EEA1: variants seen among roughly 807,000 people sequenced by gnomAD.
EEA1 encodes early endosome antigen 1, also known as early endosome antigen 1, 162kD.
EEA1 carries 111 observed loss-of-function variants against 209.2 expected under a neutral mutation model. That is an observed-to-expected ratio of 0.53 (90% CI 0.45 to 0.62). EEA1 has a LOEUF of 0.62. EEA1 is among the 20% of genes least tolerant of loss of function. The pLI is 0.00. For synonymous variants in EEA1, 536 were observed against 540.6 expected (o/e 0.99, Z 0.12); for missense variants, 1,343 against 1,530.8 (o/e 0.88, Z 2.05).
intron 15 of EEA1, among the ~76,000 whole-genome samples, chr12:92,814,540 G>A (rs1875683840): frequency 7.5e-6 from 1 of 133,840 alleles, no homozygotes; most frequent in Admixed American, 8.6e-5. Context: ...TATAAAGAAA[G>A]TTTGGGGGAA....
intron 21 of EEA1, among the ~76,000 whole-genome samples, chr12:92,794,378 G>A (rs1874554585): frequency 6.6e-6 from 1 of 152,152 alleles, no homozygotes; most frequent in Admixed American, 6.6e-5. Context: ...TCCCATTACT[G>A]GGTAAATATC....
intron 25 of EEA1, among the ~76,000 whole-genome samples, chr12:92,778,759 C>A (rs1873770459): frequency 6.6e-6 from 1 of 152,008 alleles, no homozygotes; most frequent in Non-Finnish European, 1.5e-5. Flanking sequence ...AGTTTCCGCT[C>A]CCCCTTATCA....
chr12:92,854,176 A>AT (rs1219645957), intron 5 of EEA1, among the ~76,000 whole-genome samples: 1 of 152,140 alleles, frequency 6.6e-6, no homozygotes, highest in Admixed American at 6.5e-5. Flanking sequence ...TCTAACATAG[A>AT]TTTTTTTGTA....
At chr12:92,894,979 G>T (rs1879807439) in intron 1 of EEA1, among the ~76,000 whole-genome samples, 1 of 152,104 alleles carries the variant, frequency 6.6e-6, no homozygotes, top group Non-Finnish European at 1.5e-5. Flanking sequence ...AGGGGTTAAT[G>T]CAGCTGATGA....
chr12:92,928,179 TTTAAG>T (rs1049965871), intron 1 of EEA1, among the ~76,000 whole-genome samples: 16 of 150,860 alleles, frequency 1.1e-4, no homozygotes, highest in Non-Finnish European at 1.6e-4. Context: ...AAAAAACAAA[TTTAAG>T]TTGACAGGTA....
chr12:92,818,283 A>C (rs566044986), intron 14 of EEA1, among the ~76,000 whole-genome samples: 1 of 152,250 alleles, frequency 6.6e-6, no homozygotes, highest in African/African-American at 2.4e-5. Context: ...ACAGTCTGGA[A>C]AATGTCTCTG....
At chr12:92,900,478 A>G (rs1198158002) in intron 1 of EEA1, among the ~76,000 whole-genome samples, 2 of 151,942 alleles carry the variant, frequency 1.3e-5, no homozygotes, top group Non-Finnish European at 2.9e-5. Flanking sequence ...TCTTGTTTTA[A>G]TATCAGCTAC....
At chr12:92,819,061 T>C (rs1272268321) in intron 14 of EEA1, among the ~76,000 whole-genome samples, 2 of 152,202 alleles carry the variant, frequency 1.3e-5, no homozygotes, top group African/African-American at 2.4e-5. Context: ...GATTTATTCA[T>C]AGTCACACTA....
intron 2 of EEA1, among the ~76,000 whole-genome samples, chr12:92,882,216 T>C (rs954314757): frequency 6.6e-6 from 1 of 152,032 alleles, no homozygotes; most frequent in Non-Finnish European, 1.5e-5. Flanking sequence ...CAAGTGATTC[T>C]CCTGCCTCAG....
intron 28 of EEA1, among the ~76,000 whole-genome samples, chr12:92,776,489 G>A (rs1003196248): frequency 3.3e-5 from 5 of 151,764 alleles, no homozygotes; most frequent in Non-Finnish European, 7.4e-5. Flanking sequence ...ATAAACTTAA[G>A]TCATTAACAC....
At chr12:92,852,333 G>A (rs748784455) in intron 7 of EEA1, 37 bp from the exon 8 acceptor site, 2 of 1,442,120 alleles carry the variant, frequency 1.4e-6, no homozygotes, top group Admixed American at 4.9e-5. Flanking sequence ...TAGTTTAAGG[G>A]GAGGACAGTT....
rs773906406 is a variant in EEA1 at position 92,780,348 on chromosome 12, A to G, written c.3400T>C (p.Cys1134Arg). ...SKLAEIEEIK[C>R]RQEKEITKLN... ...TTAGTGATTTCTTTTTCTTGTCTAC[A>G]TTTAATTTCTTCTATCTCTGCCAAT... The change falls in exon 24 of 29, where the codon TGT becomes CGT. Residue 1134 changes from cysteine to arginine, a missense_variant. Coordinates refer to ENST00000322349, the MANE Select transcript of EEA1 (RefSeq NM_003566.4). 7 of 1,601,448 alleles carry G rather than the reference A, an allele frequency of 4.4e-6. No individual in the cohort carries two copies. The highest frequency in any genetic ancestry group is 2.3e-5 in the East Asian group (1 of 44,226).
chr12:92,859,311 A>T, intron 3 of EEA1: 1 of 1,390,830 alleles, frequency 7.2e-7, no homozygotes. Context: ...TTGTTGGCAA[A>T]GGCAACAGAG....
chr12:92,818,800 A>G (rs986991387), intron 14 of EEA1, among the ~76,000 whole-genome samples: 5 of 152,194 alleles, frequency 3.3e-5, no homozygotes, highest in African/African-American at 1.2e-4. Flanking sequence ...ACTACATTTT[A>G]ATGCTGGAAC....
In EEA1 at chr12:92,898,605, A is replaced by C. The variant is rs367668367; in HGVS notation, c.25-6884T>G. Among the ~76,000 whole-genome samples, 129 of 151,270 alleles carry C rather than the reference A, an allele frequency of 8.5e-4. 1 individual carries two copies. Among genetic ancestry groups the C allele is most frequent in the East Asian group, 6.4e-3 (33 of 5,156 alleles). ...CTTGGACCTGGGAGACAGAAGTTGC[A>C]GTGAGCCGAGATCGTGCCACCGCAC... On this transcript the variant is annotated intron_variant, in intron 1 of 28. Transcript: ENST00000322349.
intron 15 of EEA1, among the ~76,000 whole-genome samples, chr12:92,815,514 G>A (rs538483010): frequency 5.3e-5 from 8 of 152,108 alleles, no homozygotes; most frequent in African/African-American, 1.4e-4. Context: ...ATTATATTCC[G>A]TCTTTCCAGT....
chr12:92,809,201 TATC>T, intron 17 of EEA1, 45 bp from the exon 18 acceptor site: 1 of 1,418,420 alleles, frequency 7.1e-7, no homozygotes, highest in East Asian at 2.5e-5. Context: ...TATTAGTAAT[TATC>T]AATCTATTAT....
chr12:92,896,036 T>G (rs932045162), intron 1 of EEA1, among the ~76,000 whole-genome samples: 6 of 151,734 alleles, frequency 4.0e-5, no homozygotes, highest in Non-Finnish European at 2.9e-5. Flanking sequence ...TGCAGTGGTG[T>G]GATCTCAGCT....
At chr12:92,895,975 C>CTT (rs910254277) in intron 1 of EEA1, among the ~76,000 whole-genome samples, 6 of 143,282 alleles carry the variant, frequency 4.2e-5, no homozygotes, top group Admixed American at 7.0e-5. Flanking sequence ...TGATAATTTT[C>CTT]TTTTTTTTTT....
Sources: allele counts gnomAD v4.1 joint callset (sites outside exome capture counted in the v4.1 genomes callset), GRCh38; gene constraint gnomAD v4.1.1; transcripts MANE v1.5; gene names NCBI Gene and HGNC (gene_info 2026-07-23, HGNC 2026-07-21).